PTPRM: variants seen among roughly 807,000 people sequenced by gnomAD.
The protein encoded by PTPRM is protein tyrosine phosphatase receptor type M, also known as receptor-type tyrosine-protein phosphatase mu.
A neutral mutation model predicts 186.7 loss-of-function variants in PTPRM; 47 were observed. That is an observed-to-expected ratio of 0.25 (90% CI 0.20 to 0.32). The LOEUF (loss-of-function observed/expected upper bound fraction) is 0.32, where lower values mean the gene tolerates loss of function less well. Ranked by LOEUF, PTPRM falls within the 10% of genes least tolerant of loss-of-function variation. The pLI is 1.00. For synonymous variants in PTPRM, 668 were observed against 674.9 expected, an observed-to-expected ratio of 0.99 and a Z score of 0.16; for missense variants, 1,494 against 1,865.0, an observed-to-expected ratio of 0.80 and a Z score of 3.66.
intron 7 of PTPRM, among the ~76,000 whole-genome samples, chr18:7,977,679 T>G (rs1236644680): frequency 6.6e-6 from 1 of 152,210 alleles, no homozygotes; most frequent in East Asian, 1.9e-4. Context: ...TGACTTCATG[T>G]GTAGCATCAA....
chr18:7,982,346 C>T (rs1273605139), intron 7 of PTPRM, among the ~76,000 whole-genome samples: 4 of 149,040 alleles, frequency 2.7e-5, no homozygotes, highest in Non-Finnish European at 5.9e-5. Flanking sequence ...CACACATTAG[C>T]CTAGGCCTAC....
intron 32 of PTPRM, among the ~76,000 whole-genome samples, chr18:8,397,264 T>TA (rs1431433766): frequency 6.6e-6 from 1 of 152,222 alleles, no homozygotes; most frequent in Non-Finnish European, 1.5e-5. Flanking sequence ...AGGCAAATGC[T>TA]ACCGCTCTAC....
At chr18:7,767,346 A>G (rs565100885) in intron 1 of PTPRM, among the ~76,000 whole-genome samples, 1 of 152,344 alleles carries the variant, frequency 6.6e-6, no homozygotes, top group Admixed American at 6.5e-5. Context: ...CAGATGATTT[A>G]CGTGTACTGG....
intron 2 of PTPRM, among the ~76,000 whole-genome samples, chr18:7,806,016 G>A (rs2044216542): frequency 6.6e-6 from 1 of 152,230 alleles, no homozygotes; most frequent in South Asian, 2.1e-4. Context: ...GAGAAGATCT[G>A]TGTAGTGGGG....
intron 14 of PTPRM, among the ~76,000 whole-genome samples, chr18:8,166,349 G>A (rs78777914): frequency 0.12 from 18,428 of 152,132 alleles, 1,254 homozygotes; most frequent in Middle Eastern, 0.19. Context: ...AAGTCACCTT[G>A]AAGAAGACCA....
At chr18:7,910,810 G>A (rs59777786) in intron 4 of PTPRM, among the ~76,000 whole-genome samples, 15,612 of 152,168 alleles carry the variant, frequency 0.1, 915 homozygotes, top group African/African-American at 0.14. Context: ...TGCAAAGGAA[G>A]TAGTCTCTGG....
chr18:8,137,657 C>T (rs1318325163), intron 13 of PTPRM, among the ~76,000 whole-genome samples: 1 of 152,138 alleles, frequency 6.6e-6, no homozygotes, highest in Non-Finnish European at 1.5e-5. Context: ...CACCATAAAG[C>T]CTCAGTTCCA....
intron 7 of PTPRM, among the ~76,000 whole-genome samples, chr18:7,994,929 C>T (rs2083454892): frequency 6.6e-6 from 1 of 151,378 alleles, no homozygotes; most frequent in Admixed American, 6.6e-5. Context: ...CAAGAACAAA[C>T]CAAATAAAAA....
At chr18:7,657,524 T>C (rs1402972792) in intron 1 of PTPRM, among the ~76,000 whole-genome samples, 1 of 152,204 alleles carries the variant, frequency 6.6e-6, no homozygotes, top group African/African-American at 2.4e-5. Context: ...GTTTGCATCT[T>C]ATTTTCTATA....
At chr18:8,145,707 T>G (rs549832779) in intron 14 of PTPRM, among the ~76,000 whole-genome samples, 1 of 152,362 alleles carries the variant, frequency 6.6e-6, no homozygotes, top group South Asian at 2.1e-4. Flanking sequence ...CACATTTTCT[T>G]TATCCAGTCT....
chr18:8,317,885 C>T (rs150583067), intron 21 of PTPRM, among the ~76,000 whole-genome samples: 4 of 152,222 alleles, frequency 2.6e-5, no homozygotes, highest in Non-Finnish European at 5.9e-5. Context: ...ATGGATAAGT[C>T]AAGCAAGGTT....
At chr18:7,992,894 A>T (rs919003074) in intron 7 of PTPRM, among the ~76,000 whole-genome samples, 6 of 152,232 alleles carry the variant, frequency 3.9e-5, no homozygotes, top group Non-Finnish European at 7.4e-5. Context: ...TTATTTATTC[A>T]ATTTTTGGTG....
At chr18:8,181,330 G>A (rs2146584006) in intron 14 of PTPRM, among the ~76,000 whole-genome samples, 1 of 152,298 alleles carries the variant, frequency 6.6e-6, no homozygotes, top group South Asian at 2.1e-4. Flanking sequence ...GCTAAAACCA[G>A]GCCATAGAAA....
At chr18:8,253,131 T>G (rs1041916097) in intron 18 of PTPRM, 96 bp from the exon 19 acceptor site, 15 of 1,053,914 alleles carry the variant, frequency 1.4e-5, no homozygotes, top group Non-Finnish European at 1.9e-5. Flanking sequence ...CACCCCTAGG[T>G]GAGGGGATGC....
At chr18:8,095,398 T>G (rs1464959704) in intron 11 of PTPRM, among the ~76,000 whole-genome samples, 1 of 151,944 alleles carries the variant, frequency 6.6e-6, no homozygotes, top group African/African-American at 2.4e-5. Context: ...GTTGGCTCCA[T>G]GAAGACAGGG....
At chr18:8,191,527 T>A (rs2093709493) in intron 14 of PTPRM, among the ~76,000 whole-genome samples, 1 of 152,188 alleles carries the variant, frequency 6.6e-6, no homozygotes, top group Non-Finnish European at 1.5e-5. Context: ...TGCAAATGAC[T>A]GTACATGGAG....
At chr18:7,724,064 C>G (rs115764459) in intron 1 of PTPRM, among the ~76,000 whole-genome samples, 1,620 of 152,140 alleles carry the variant, frequency 0.011, 26 homozygotes, top group African/African-American at 0.037. Flanking sequence ...TATGTACTCC[C>G]TAGTAATTTC....
At chr18:7,764,563 C>G (rs2041931518) in intron 1 of PTPRM, among the ~76,000 whole-genome samples, 1 of 152,100 alleles carries the variant, frequency 6.6e-6, no homozygotes, top group Non-Finnish European at 1.5e-5. Flanking sequence ...GATTACCAAA[C>G]ATTAGAGTGC....
chr18:8,366,782 C>T (rs186949470), intron 23 of PTPRM: 53 of 152,360 alleles, frequency 3.5e-4, no homozygotes, highest in African/African-American at 1.3e-3. Context: ...CTGGTGGAAC[C>T]ACCACCAGGG....
Sources: gnomAD v4.1 joint callset for allele counts (sites outside exome capture counted in the v4.1 genomes callset) on GRCh38, gnomAD v4.1.1 for gene constraint, MANE v1.5 for transcripts, NCBI Gene and HGNC (gene_info 2026-07-23, HGNC 2026-07-21) for gene names.